The following ABL1 variants were observed in gnomAD, a reference collection of about 807,000 sequenced individuals.
ABL1 encodes the protein tyrosine-protein kinase ABL1.
A neutral mutation model predicts 94.7 loss-of-function variants in ABL1; 11 were observed. That is an observed-to-expected ratio of 0.12 (90% CI 0.07 to 0.19). The LOEUF is 0.19. Among genes scored for constraint, ABL1 ranks in the 10% least tolerant of loss-of-function variants. The probability of loss-of-function intolerance (pLI) is 1.00; values close to 1 mark genes in which losing one functional copy is unlikely to be tolerated. For missense variants in ABL1, 1,082 were observed against 1,489.4 expected (o/e 0.73, Z 4.50); for synonymous variants, 656 against 622.4 (o/e 1.05, Z -0.80).
chr9:130,714,374 G>T (rs201019733), exon 1 of ABL1: 1 of 1,614,024 alleles, frequency 6.2e-7, no homozygotes, highest in East Asian at 2.2e-5. Context: ...AAGCTTGCCT[G>T]CCCTGCATTT....
chr9:130,825,791 C>T (rs528756447), intron 1 of ABL1, among the ~76,000 whole-genome samples: 1 of 152,326 alleles, frequency 6.6e-6, no homozygotes, highest in East Asian at 1.9e-4. Flanking sequence ...ATATCCCAAA[C>T]CATTTTTGCT....
chr9:130,843,143 G>A (rs796070534), intron 1 of ABL1, among the ~76,000 whole-genome samples: 3 of 152,352 alleles, frequency 2.0e-5, no homozygotes, highest in African/African-American at 7.2e-5. Flanking sequence ...GCTAAAGACA[G>A]ACAAGTGCAG....
At chr9:130,767,533 AT>A (rs1259243989) in intron 1 of ABL1, among the ~76,000 whole-genome samples, 1 of 152,164 alleles carries the variant, frequency 6.6e-6, no homozygotes, top group Admixed American at 6.5e-5. Context: ...GGGTTTCAAC[AT>A]GTTAGCCAGG....
chr9:130,826,731 A>G (rs190384559), intron 1 of ABL1, among the ~76,000 whole-genome samples: 11 of 152,284 alleles, frequency 7.2e-5, no homozygotes, highest in African/African-American at 2.6e-4. Flanking sequence ...CCAACCCCAC[A>G]GAGTCAGATG....
At chr9:130,725,140 A>C (rs1831564809) in intron 1 of ABL1, 1 of 170,128 alleles carries the variant, frequency 5.9e-6, no homozygotes, top group Non-Finnish European at 1.3e-5. Context: ...AGTGGCATTA[A>C]GTATATTCCC....
At chr9:130,774,140 G>T (rs1052702192) in intron 1 of ABL1, among the ~76,000 whole-genome samples, 1 of 152,134 alleles carries the variant, frequency 6.6e-6, no homozygotes, top group African/African-American at 2.4e-5. Flanking sequence ...CTATTCCATT[G>T]TGTGGATGGA....
Position 130,814,870 on chromosome 9 carries a change from C to T in ABL1, c.137-39194C>T, listed in dbSNP as rs1449584538. ...CCAGCCTGGGTGACAGAGCCAGACT[C>T]TGTCTCAAAAAAATAAAATAAAATA... On this transcript the variant is annotated intron_variant, in intron 1 of 10. Coordinates refer to the ABL1 transcript ENST00000372348. The surrounding 1 kb of genome is among the most constrained non-coding windows in gnomAD (Gnocchi z 4.4). Among the ~76,000 whole-genome samples the T allele has an allele frequency of 6.7e-6, 1 of 148,808 alleles. No homozygotes were observed. Among genetic ancestry groups the T allele is most frequent in the African/African-American group, 2.6e-5 (1 of 38,846 alleles).
intron 7 of ABL1, among the ~76,000 whole-genome samples, chr9:130,876,940 C>CAT (rs1831356164): frequency 6.8e-6 from 1 of 146,192 alleles, no homozygotes; most frequent in African/African-American, 2.6e-5. Context: ...GGTTTCACTG[C>CAT]GTTAGCCAGG....
chr9:130,740,764 T>A (rs1291998084), intron 1 of ABL1, among the ~76,000 whole-genome samples: 1 of 149,862 alleles, frequency 6.7e-6, no homozygotes, highest in Non-Finnish European at 1.5e-5. Context: ...GAAGGGATCC[T>A]CCCACCTCGG....
At chr9:130,736,267 A>G (rs1831741469) in intron 1 of ABL1, among the ~76,000 whole-genome samples, 1 of 151,814 alleles carries the variant, frequency 6.6e-6, no homozygotes. Context: ...ATATAGAGTA[A>G]TAGAGATCTA....
intron 1 of ABL1, among the ~76,000 whole-genome samples, chr9:130,763,183 T>G (rs1832138451): frequency 6.6e-6 from 1 of 152,052 alleles, no homozygotes; most frequent in South Asian, 2.1e-4. Context: ...TTGCTTTTTT[T>G]TTTTTTCATT....
intron 7 of ABL1, 23 bp downstream of exon 7, chr9:130,875,075 A>C: frequency 6.2e-7 from 1 of 1,612,508 alleles, no homozygotes; most frequent in Non-Finnish European, 8.5e-7. Context: ...GCTGCACTGA[A>C]GTGGTCCTTC....
chr9:130,750,414 TCCCTCC>T (rs1831946429), intron 1 of ABL1, among the ~76,000 whole-genome samples: 1 of 15,114 alleles, frequency 6.6e-5, no homozygotes, highest in African/African-American at 2.0e-4. Context: ...CCTCCCTCCC[TCCCTCC>T]CTCCCTCCCT....
intron 10 of ABL1, among the ~76,000 whole-genome samples, chr9:130,881,663 G>T (rs1831456013): frequency 6.6e-6 from 1 of 152,134 alleles, no homozygotes; most frequent in African/African-American, 2.4e-5. Flanking sequence ...TTTGGGTGGG[G>T]ACTCAGCCAA....
chr9:130,833,007 A>T (rs1830510711), upstream of ABL1, among the ~76,000 whole-genome samples: 1 of 152,222 alleles, frequency 6.6e-6, no homozygotes, highest in Non-Finnish European at 1.5e-5. Context: ...AGATTTGGGT[A>T]CAGTTTATAA....
chr9:130,748,366 T>C (rs1344978350), intron 1 of ABL1, among the ~76,000 whole-genome samples: 1 of 152,204 alleles, frequency 6.6e-6, no homozygotes, highest in African/African-American at 2.4e-5. Flanking sequence ...ATTTGTTTAG[T>C]TGATGACACA....
At chr9:130,830,748 T>C (rs2132894994), upstream of ABL1, among the ~76,000 whole-genome samples, 1 of 152,308 alleles carries the variant, frequency 6.6e-6, no homozygotes, top group African/African-American at 2.4e-5. Flanking sequence ...CCCTACATGA[T>C]TCCTAATCTT....
intron 1 of ABL1, among the ~76,000 whole-genome samples, chr9:130,758,247 A>C (rs7873217): frequency 2.0e-5 from 3 of 148,316 alleles, no homozygotes; most frequent in Non-Finnish European, 3.0e-5. Context: ...TGCAACCTCC[A>C]CCTCCTGGGT....
intron 1 of ABL1, among the ~76,000 whole-genome samples, chr9:130,734,218 C>CT (rs34635212): frequency 0.49 from 70,460 of 143,840 alleles, 18,309 homozygotes; most frequent in African/African-American, 0.67. Context: ...ATTGAATATT[C>CT]TTTTTTTTTT....
Sources: gnomAD v4.1 joint callset for allele counts (sites outside exome capture counted in the v4.1 genomes callset) on GRCh38, gnomAD v4.1.1 for gene constraint, Gnocchi (gnomAD v3.1) non-coding constraint, MANE v1.5 for transcripts, NCBI Gene and HGNC (gene_info 2026-07-23, HGNC 2026-07-21) for gene names.